SNURF: variants seen among roughly 807,000 people sequenced by gnomAD.
SNURF encodes SNURF protein.
SNURF carries 6 observed loss-of-function variants against 11.6 expected under a neutral mutation model. The ratio of observed to expected loss-of-function variants is 0.52; its 90% CI spans 0.28 to 1.02. SNURF has a LOEUF of 1.02. Among genes scored for constraint, SNURF ranks in the 50% least tolerant of loss-of-function variants. SNURF has a pLI of 0.09. For synonymous variants in SNURF, 29 were observed against 31.6 expected (o/e 0.92, Z 0.27); for missense variants, 84 against 88.4 (o/e 0.95, Z 0.20).
chr15:24,975,044 GA>G, intron 3 of SNURF: 1 of 697,016 alleles, frequency 1.4e-6, no homozygotes, highest in South Asian at 1.5e-5. Context: ...TGGAGAGAGA[GA>G]ACACCCTACA....
At chr15:24,956,897 G>T (rs2063015704) in intron 1 of SNURF, among the ~76,000 whole-genome samples, 2 of 152,198 alleles carry the variant, frequency 1.3e-5, no homozygotes, top group Admixed American at 6.5e-5. Flanking sequence ...AGTGGTGGCG[G>T]CCTGGAGGCC....
chr15:24,967,883 A>T (rs759767759), intron 2 of SNURF, 49 bp from the exon 3 acceptor site: 2 of 1,511,964 alleles, frequency 1.3e-6, no homozygotes, highest in Non-Finnish European at 1.8e-6. Context: ...GGTTTCCTAT[A>T]AAGACAAATG....
intron 1 of SNURF, 99 bp from the exon 2 acceptor site, chr15:24,962,015 T>C: frequency 2.0e-6 from 2 of 1,017,662 alleles, no homozygotes; most frequent in Non-Finnish European, 3.1e-6. Flanking sequence ...GATTTAAAAA[T>C]CCATTATATT....
At chr15:24,958,228 G>C (rs1006224331) in intron 1 of SNURF, among the ~76,000 whole-genome samples, 1 of 152,008 alleles carries the variant, frequency 6.6e-6, no homozygotes, top group South Asian at 2.1e-4. Flanking sequence ...TGTTTATAAG[G>C]TGTCAAGGAT....
chr15:24,963,167 T>C (rs1430783080), intron 2 of SNURF, among the ~76,000 whole-genome samples: 1 of 152,358 alleles, frequency 6.6e-6, no homozygotes, highest in African/African-American at 2.4e-5. Flanking sequence ...ACAATATGTC[T>C]TGGTGATCTT....
At chr15:24,975,057 C>G (rs1431459104) in intron 3 of SNURF, 3 of 688,058 alleles carry the variant, frequency 4.4e-6, no homozygotes, top group African/African-American at 1.8e-5. Flanking sequence ...CACCCTACAT[C>G]ATTGTGGTTT....
downstream of SNURF, among the ~76,000 whole-genome samples, chr15:24,971,270 G>A (rs1347406033): frequency 6.6e-6 from 1 of 152,132 alleles, no homozygotes; most frequent in African/African-American, 2.4e-5. Flanking sequence ...CATCCTTGCA[G>A]TGTGATGTTG....
At chr15:24,976,565 A>G (rs138804160) in intron 5 of SNURF, 17 of 687,492 alleles carry the variant, frequency 2.5e-5, no homozygotes, top group South Asian at 1.1e-4. Context: ...TTGGTTGCCT[A>G]TGCTATTCGG....
downstream of SNURF, among the ~76,000 whole-genome samples, chr15:24,970,407 C>T (rs2076249149): frequency 6.6e-6 from 1 of 151,988 alleles, no homozygotes; most frequent in South Asian, 2.1e-4. Context: ...GGCGAAACCC[C>T]ATCTGTTCTA....
Position 24,965,725 on chromosome 15 carries a change from A to C in SNURF, c.111-2207A>C, listed in dbSNP as rs143564773. On this transcript the variant is annotated intron_variant, in intron 2 of 2. Transcript: ENST00000577949. ...TATGCTAAGCTTCACATGTCTTTTC[A>C]AATTAATATTCTGCACTCTATGAAT... Among the ~76,000 whole-genome samples the C allele has an allele frequency of 1.7e-3, 260 of 152,268 alleles. 6 individuals carry two copies. The highest frequency in any genetic ancestry group is 0.015 in the Admixed American group (230 of 15,292).
Position 24,967,886 on chromosome 15 carries a change from G to A in SNURF, c.111-46G>A, listed in dbSNP as rs752846196. On this transcript the variant is annotated intron_variant, in intron 2 of 2. Coordinates refer to ENST00000577949, the Ensembl canonical transcript of SNURF. ...TTTCTTTCATATGGTTTCCTATAAAGACAAATGTATTTTTATCATTTATAT... is the reference window on the plus strand; with the variant it reads ...TTTCTTTCATATGGTTTCCTATAAAAACAAATGTATTTTTATCATTTATAT... 3 of 1,450,384 alleles carry A rather than the reference G, an allele frequency of 2.1e-6. No homozygotes were observed. In the East Asian group the frequency reaches 7.4e-5, roughly 36 times the overall value. The allele number at this position is 1,450,384 out of a possible 1,614,324, so 89.8% of individuals were successfully genotyped here.
At chr15:24,970,597 T>C (rs1363446844), downstream of SNURF, among the ~76,000 whole-genome samples, 3 of 152,320 alleles carry the variant, frequency 2.0e-5, no homozygotes, top group Middle Eastern at 3.4e-3. Flanking sequence ...AATTGTGTTA[T>C]GAATATTCTG....
chr15:24,962,781 A>G, intron 2 of SNURF, among the ~76,000 whole-genome samples: 1 of 152,198 alleles, frequency 6.6e-6, no homozygotes. Flanking sequence ...AAATGACCTA[A>G]TACATATTTA....
At chr15:24,970,884 G>T (rs1021733223), downstream of SNURF, among the ~76,000 whole-genome samples, 1 of 151,998 alleles carries the variant, frequency 6.6e-6, no homozygotes, top group African/African-American at 2.4e-5. Flanking sequence ...GAATTATTGT[G>T]TATTAATATT....
At chr15:24,973,130 C>T (rs2076639988), downstream of SNURF, among the ~76,000 whole-genome samples, 1 of 152,048 alleles carries the variant, frequency 6.6e-6, no homozygotes, top group Non-Finnish European at 1.5e-5. Context: ...CTCAGGTGAT[C>T]CGCCCACCTC....
intron 2 of SNURF, among the ~76,000 whole-genome samples, chr15:24,967,561 G>A (rs1596281997): frequency 6.6e-6 from 1 of 151,934 alleles, no homozygotes; most frequent in East Asian, 1.9e-4. Flanking sequence ...AGAATGGCGT[G>A]AACCCAGGAG....
At chr15:24,961,001 T>G (rs977546380) in intron 1 of SNURF, among the ~76,000 whole-genome samples, 4 of 152,204 alleles carry the variant, frequency 2.6e-5, no homozygotes, top group African/African-American at 9.6e-5. Context: ...TACTAGAAAC[T>G]TAGCTGTATG....
chr15:24,976,618 A>G (rs914254103), intron 5 of SNURF, among the ~76,000 whole-genome samples: 19 of 152,336 alleles, frequency 1.2e-4, no homozygotes, highest in African/African-American at 4.6e-4. Flanking sequence ...GCTGGGCATT[A>G]CCTAGGTAAG....
chr15:24,956,379 T>G (rs2062892920), intron 1 of SNURF, among the ~76,000 whole-genome samples: 1 of 145,640 alleles, frequency 6.9e-6, no homozygotes, highest in Non-Finnish European at 1.5e-5. Flanking sequence ...TTCCTCCCTG[T>G]AGAGCCGCCA....
Sources: allele counts gnomAD v4.1 joint callset (sites outside exome capture counted in the v4.1 genomes callset), GRCh38; gene constraint gnomAD v4.1.1; transcripts MANE v1.5; gene names NCBI Gene and HGNC (gene_info 2026-07-23, HGNC 2026-07-21).